Variants in EGFLAM observed in about 807,000 individuals in gnomAD.
The protein encoded by EGFLAM is EGF like, fibronectin type III and laminin G domains.
Under a neutral mutation model 113.1 loss-of-function variants are expected in EGFLAM, and 79 were observed. The ratio of observed to expected loss-of-function variants is 0.70; its 90% CI spans 0.58 to 0.84. The LOEUF is 0.84. EGFLAM is among the 40% of genes least tolerant of loss of function. The pLI, the probability that EGFLAM is intolerant of heterozygous loss-of-function variation, is 0.00. For missense variants in EGFLAM, 1,265 were observed against 1,291.6 expected (o/e 0.98, Z 0.32); for synonymous variants, 504 against 487.6 (o/e 1.03, Z -0.44).
chr5:38,311,131 T>C (rs1738431686), intron 1 of EGFLAM, among the ~76,000 whole-genome samples: 1 of 152,172 alleles, frequency 6.6e-6, no homozygotes, highest in South Asian at 2.1e-4. Flanking sequence ...GTGTACAACA[T>C]GGTGTTATGA....
chr5:38,258,792 T>C lies in EGFLAM; in HGVS notation c.38T>C (p.Leu13Pro), dbSNP rs1444099613. 1 of 1,612,492 alleles carries C rather than the reference T, an allele frequency of 6.2e-7. No homozygotes were observed. The highest frequency in any genetic ancestry group is 1.1e-5 in the South Asian group (1 of 91,018). The change falls in exon 1 of 22, where the codon CTC becomes CCC. Residue 13 changes from leucine to proline, a missense_variant. Physicochemically the swap from Leu to Pro is moderately conservative, Grantham distance 98. Coordinates refer to ENST00000322350, the MANE Select transcript of EGFLAM (RefSeq NM_152403.4). Reference protein sequence around the residue: ...LIRGVLLRLLLLASSLGPGAV... With the variant: ...LIRGVLLRLLPLASSLGPGAV... ...CGAGGCGTCTTGCTCCGGCTCCTGC[T>C]CCTGGCTTCCAGCCTCGGACCCGGC... is the stretch of plus-strand genomic sequence containing the variant.
intron 6 of EGFLAM, among the ~76,000 whole-genome samples, chr5:38,386,499 T>C (rs1740666369): frequency 6.6e-6 from 1 of 150,480 alleles, no homozygotes; most frequent in Non-Finnish European, 1.5e-5. Flanking sequence ...AGCCCACAAA[T>C]ACTTATTTTT....
chr5:38,360,410 T>G (rs2112010333), intron 5 of EGFLAM, among the ~76,000 whole-genome samples: 1 of 152,314 alleles, frequency 6.6e-6, no homozygotes, highest in South Asian at 2.1e-4. Context: ...AGTCCTCAGT[T>G]TCTTTCTCTG....
At chr5:38,311,673 C>T (rs1479258264) in intron 1 of EGFLAM, among the ~76,000 whole-genome samples, 1 of 152,108 alleles carries the variant, frequency 6.6e-6, no homozygotes, top group Admixed American at 6.5e-5. Flanking sequence ...ATAAAGACAT[C>T]TATAAAACAT....
intron 1 of EGFLAM, among the ~76,000 whole-genome samples, chr5:38,297,129 G>A (rs145271867): frequency 1.8e-4 from 28 of 152,218 alleles, no homozygotes; most frequent in Non-Finnish European, 3.5e-4. Flanking sequence ...AACAGAAAAA[G>A]GACATTAGTG....
At chr5:38,311,376 C>T (rs1298526883) in intron 1 of EGFLAM, among the ~76,000 whole-genome samples, 3 of 152,134 alleles carry the variant, frequency 2.0e-5, no homozygotes, top group African/African-American at 4.8e-5. Flanking sequence ...GCCTGGTAAC[C>T]GCCATTCTAC....
At chr5:38,389,718 T>C (rs1253584881) in intron 6 of EGFLAM, among the ~76,000 whole-genome samples, 2 of 152,176 alleles carry the variant, frequency 1.3e-5, no homozygotes, top group Non-Finnish European at 2.9e-5. Context: ...TCCATTATTC[T>C]GGTAAATATC....
At chr5:38,293,263 T>C (rs1012815038) in intron 1 of EGFLAM, among the ~76,000 whole-genome samples, 1 of 152,360 alleles carries the variant, frequency 6.6e-6, no homozygotes. Flanking sequence ...CCAGTTCCTA[T>C]GCCAGTCTCA....
intron 1 of EGFLAM, among the ~76,000 whole-genome samples, chr5:38,264,426 A>G (rs903682707): frequency 6.6e-6 from 1 of 152,176 alleles, no homozygotes; most frequent in Non-Finnish European, 1.5e-5. Flanking sequence ...AGCAAAAACA[A>G]AAGGCTGGAA....
chr5:38,323,005 T>G (rs948225009), intron 1 of EGFLAM, among the ~76,000 whole-genome samples: 2 of 152,252 alleles, frequency 1.3e-5, no homozygotes, highest in Non-Finnish European at 2.9e-5. Context: ...TTCATAGTGC[T>G]GCTTTAATAA....
intron 6 of EGFLAM, among the ~76,000 whole-genome samples, chr5:38,373,329 G>A (rs1740272968): frequency 6.6e-6 from 1 of 152,202 alleles, no homozygotes; most frequent in Non-Finnish European, 1.5e-5. Context: ...TGAGTGAGAT[G>A]TATGTGGCTT....
intron 1 of EGFLAM, among the ~76,000 whole-genome samples, chr5:38,322,892 T>C (rs893595404): frequency 1.3e-5 from 2 of 152,190 alleles, no homozygotes; most frequent in African/African-American, 4.8e-5. Flanking sequence ...CACAGGTAAC[T>C]AGAACAAACA....
intron 1 of EGFLAM, among the ~76,000 whole-genome samples, chr5:38,311,045 G>A (rs1404561301): frequency 6.6e-6 from 1 of 151,880 alleles, no homozygotes; most frequent in Non-Finnish European, 1.5e-5. Context: ...CCATGGGTTG[G>A]TCGCATTTCC....
Position 38,418,181 on chromosome 5 carries a change from C to G in EGFLAM, c.1610C>G (p.Ser537Trp). ...CGAGGCTTTCAAGGCTGTGTGCAGTCGCTCGCTGTGAATGGGAGGAGAATT... is the reference window on the plus strand; with the variant it reads ...CGAGGCTTTCAAGGCTGTGTGCAGTGGCTCGCTGTGAATGGGAGGAGAATT... The part of the protein sequence containing the change: ...TNRGFQGCVQ[S>W]LAVNGRRIDM... Residue 537 changes from serine to tryptophan, a missense_variant, in exon 12 of 22, where the codon TCG (serine) becomes TGG (tryptophan). Ser to Trp is a radical substitution (Grantham distance 177, BLOSUM62 -3). Coordinates refer to ENST00000322350, the MANE Select transcript of EGFLAM (RefSeq NM_152403.4). The G allele has an allele frequency of 6.2e-7, 1 of 1,614,130 alleles. No individual in the cohort carries two copies. The highest frequency in any genetic ancestry group is 1.1e-5 in the South Asian group (1 of 91,078).
intron 18 of EGFLAM, among the ~76,000 whole-genome samples, chr5:38,450,994 G>A (rs759702216): frequency 6.6e-6 from 1 of 152,196 alleles, no homozygotes; most frequent in Non-Finnish European, 1.5e-5. Context: ...TGGGGCCCCT[G>A]AGTAGTAAAA....
In EGFLAM at chr5:38,456,101, G is replaced by T. The variant is rs146217133; in HGVS notation, c.2688-2210G>T. On this transcript the variant is annotated intron_variant, in intron 19 of 21. Coordinates refer to ENST00000322350, the MANE Select transcript of EGFLAM (RefSeq NM_152403.4). ...TCCCTTGGGGTGCATTGTCAACCCC[G>T]TATCCAAGCTGCACTAAGTGCTGCC... Among the ~76,000 whole-genome samples the T allele has an allele frequency of 5.8e-4, 89 of 152,304 alleles. 1 individual carries two copies. In the East Asian group the frequency reaches 0.017, roughly 29 times the overall value.
chr5:38,295,878 A>G (rs930971850), intron 1 of EGFLAM, among the ~76,000 whole-genome samples: 1 of 152,208 alleles, frequency 6.6e-6, no homozygotes, highest in African/African-American at 2.4e-5. Flanking sequence ...AAGTAGTACA[A>G]TTTGCAATTC....
chr5:38,330,763 G>C (rs1403909743), intron 1 of EGFLAM, among the ~76,000 whole-genome samples: 2 of 152,120 alleles, frequency 1.3e-5, no homozygotes, highest in East Asian at 3.9e-4. Context: ...GTTATTTTAT[G>C]GTTCTACAAG....
intron 6 of EGFLAM, among the ~76,000 whole-genome samples, chr5:38,388,784 T>C (rs983644043): frequency 6.7e-5 from 10 of 149,692 alleles, no homozygotes; most frequent in African/African-American, 2.2e-4. Flanking sequence ...AAAAGTTAGC[T>C]GGGCTCAGTG....
Sources: gnomAD v4.1 joint callset for allele counts (sites outside exome capture counted in the v4.1 genomes callset) on GRCh38, gnomAD v4.1.1 for gene constraint, MANE v1.5 for transcripts, NCBI Gene and HGNC (gene_info 2026-07-23, HGNC 2026-07-21) for gene names.